The following KCTD17 variants were observed in gnomAD, a reference collection of about 807,000 sequenced individuals.
The protein encoded by KCTD17 is potassium channel tetramerization domain containing 17.
In KCTD17, 20 loss-of-function variants were observed where a neutral mutation model predicts 41.5. The observed-to-expected ratio is 0.48, with a 90% confidence interval of 0.34 to 0.70. The LOEUF (loss-of-function observed/expected upper bound fraction) is 0.70, where lower values mean the gene tolerates loss of function less well. Among genes scored for constraint, KCTD17 ranks in the 30% least tolerant of loss-of-function variants. The pLI is 0.01. For synonymous variants in KCTD17, 156 were observed against 173.8 expected, an observed-to-expected ratio of 0.90 and a Z score of 0.80; for missense variants, 317 against 427.2, an observed-to-expected ratio of 0.74 and a Z score of 2.27.
At chr22:37,060,737 C>G (rs1925677504) in intron 5 of KCTD17, 86 bp from the exon 6 acceptor site, 3 of 1,423,750 alleles carry the variant, frequency 2.1e-6, no homozygotes, top group East Asian at 2.6e-5. Context: ...TGCCTGAGAC[C>G]GGGTCTTTGG....
At chr22:37,052,347 T>G in intron 1 of KCTD17, 1 of 367,404 alleles carries the variant, frequency 2.7e-6, no homozygotes, top group Non-Finnish European at 5.4e-6. Context: ...TGCAGGGAGC[T>G]AGCTGGATGG....
At chr22:37,056,528 G>T in intron 3 of KCTD17, 117 bp downstream of exon 3, 1 of 827,904 alleles carries the variant, frequency 1.2e-6, no homozygotes, top group Non-Finnish European at 1.9e-6. Context: ...TTTGTCATGG[G>T]GAGGCCGAGC....
rs770258767 is a variant in KCTD17 at position 37,057,515 on chromosome 22, GC to G, written c.486+24del. The G allele has an allele frequency of 1.2e-5, 19 of 1,594,842 alleles. No individual in the cohort carries two copies. In the East Asian group the frequency reaches 2.7e-4, roughly 23 times the overall value. ...GCAGGTGCGCTGGGGACAGGGGCGT[GC>G]CACCAGGACAACCCTGGGACCTCCT... On this transcript the variant is annotated intron_variant, in intron 4 of 8. Coordinates refer to ENST00000403888, the MANE Select transcript of KCTD17 (RefSeq NM_001282684.2).
rs752263327 is a variant in KCTD17 at position 37,061,925 on chromosome 22, C to A, written c.875+296C>A. On this transcript the variant is annotated intron_variant, in intron 8 of 8. Coordinates refer to ENST00000403888, the MANE Select transcript of KCTD17 (RefSeq NM_001282684.2). This position sits in a 1 kb window ranked among gnomAD's most constrained non-coding sequence, Gnocchi z 6.6. ...TCCTGTGTCACTGCCTTGTGGCATC[C>A]CCTATTTCTGTGGGGATGGGGAGGA... 115 of 985,302 alleles carry A rather than the reference C, an allele frequency of 1.2e-4. No homozygotes were observed. Among genetic ancestry groups the A allele is most frequent in the Non-Finnish European group, 1.3e-4 (111 of 829,934 alleles). 61.0% of individuals were successfully genotyped at this position (985,302 alleles called of 1,614,324 possible).
At chr22:37,062,490 C>A (rs745853104) in intron 8 of KCTD17, 35 bp from the exon 9 acceptor site, 2 of 1,602,052 alleles carry the variant, frequency 1.2e-6, no homozygotes, top group South Asian at 2.2e-5. Context: ...CTCCGCCCCT[C>A]CCATCCTCCT....
chr22:37,062,405 TCTCTCC>T (rs1331757800), intron 8 of KCTD17, 114 bp from the exon 9 acceptor site: 4 of 1,350,604 alleles, frequency 3.0e-6, no homozygotes, highest in Non-Finnish European at 1.9e-6. Flanking sequence ...TGCCTCTCTC[TCTCTCC>T]CTCTCCCCCA....
intron 3 of KCTD17, 114 bp downstream of exon 3, chr22:37,056,525 T>C: frequency 2.4e-6 from 2 of 845,860 alleles, no homozygotes; most frequent in East Asian, 2.7e-5. Context: ...GTGTTTGTCA[T>C]GGGGAGGCCG....
At chr22:37,052,120 G>A in intron 1 of KCTD17, 171 bp downstream of exon 1, 1 of 871,414 alleles carries the variant, frequency 1.1e-6, no homozygotes, top group Non-Finnish European at 1.6e-6. Context: ...GGGTCTGGTA[G>A]TGAGGGATGT....
rs73884698 is a variant in KCTD17, at chr22:37,062,827, T to A, written c.*233T>A. 2.2e-6 allele frequency: 2 copies of A among 902,408 alleles called. No homozygotes were observed. The highest frequency in any genetic ancestry group is 3.2e-6 in the Non-Finnish European group (2 of 624,882). 55.9% of individuals were successfully genotyped at this position (902,408 alleles called of 1,614,324 possible). A position where few individuals can be genotyped will look rare whatever the true frequency, so the allele number is the denominator to read the frequency against. ...TGTCTGGCTGTGTCTCTCCGGCACC[T>A]GCGTCCCCTCTCCCGGGCTCCCCTG... On this transcript the variant is annotated 3_prime_UTR_variant, in exon 9 of 9. Coordinates refer to ENST00000403888, the MANE Select transcript of KCTD17 (RefSeq NM_001282684.2).
At chr22:37,056,440 A>AGGGCAGGGGCCAGTG in intron 3 of KCTD17, 29 bp downstream of exon 3, 2 of 1,575,912 alleles carry the variant, frequency 1.3e-6, no homozygotes, top group Non-Finnish European at 1.7e-6. Flanking sequence ...ACACACGGCC[A>AGGGCAGGGGCCAGTG]GGGCAGGGGC....
Position 37,063,033 on chromosome 22 carries a change from A to G in KCTD17, c.*439A>G, listed in dbSNP as rs1231202033. ...GCCGCCCACCTTCAGCTGCCCTGGG[A>G]TGGGAAGGACCCAGCCCGACCCCTG... On this transcript the variant is annotated 3_prime_UTR_variant, in exon 9 of 9. Transcript: ENST00000403888. This position sits in a 1 kb window ranked among gnomAD's most constrained non-coding sequence, Gnocchi z 4.6. 1.7e-5 allele frequency: 3 copies of G among 172,124 alleles called. No individual in the cohort carries two copies. The highest frequency in any genetic ancestry group is 1.2e-4 in the Admixed American group (2 of 16,684). 10.7% of individuals were successfully genotyped at this position (172,124 alleles called of 1,614,324 possible). A position where few individuals can be genotyped will look rare whatever the true frequency, so the allele number is the denominator to read the frequency against.
In KCTD17 at chr22:37,061,780, A is replaced by G. The variant is rs990063328; in HGVS notation, c.875+151A>G. On this transcript the variant is annotated intron_variant, in intron 8 of 8. Coordinates refer to ENST00000403888, the MANE Select transcript of KCTD17 (RefSeq NM_001282684.2). The surrounding 1 kb of genome is among the most constrained non-coding windows in gnomAD (Gnocchi z 6.6). ...GCCTTGGGGGTGAGGCTCTGAGAGG[A>G]GAAGAAAGTTAGGGAGTGGGAACTT... is the stretch of plus-strand genomic sequence containing the variant. 1 of 985,262 alleles carries G rather than the reference A, an allele frequency of 1.0e-6. No individual in the cohort carries two copies. Among genetic ancestry groups the G allele is most frequent in the African/African-American group, 1.7e-5 (1 of 57,214 alleles). The allele number at this position is 985,262 out of a possible 1,614,324, so 61.0% of individuals were successfully genotyped here. A position where few individuals can be genotyped will look rare whatever the true frequency, so the allele number is the denominator to read the frequency against.
In KCTD17 at chr22:37,061,068, C is replaced by A; in HGVS notation, c.713-36C>A. ...TCAGCCACTTGCCTGGCGCCTCACC[C>A]GCATAACCATCCCTTCTCTCACTTT... On this transcript the variant is annotated intron_variant, in intron 6 of 8. Coordinates refer to ENST00000403888, the MANE Select transcript of KCTD17 (RefSeq NM_001282684.2). This position sits in a 1 kb window ranked among gnomAD's most constrained non-coding sequence, Gnocchi z 6.6. 2 of 1,551,414 alleles carry A rather than the reference C, an allele frequency of 1.3e-6. No homozygotes were observed. Among genetic ancestry groups the A allele is most frequent in the Non-Finnish European group, 8.7e-7 (1 of 1,146,868 alleles).
chr22:37,061,552 C>G lies in KCTD17; in HGVS notation c.798C>G (p.His266Gln). 6.2e-7 allele frequency: 1 copy of G among 1,601,782 alleles called. No individual in the cohort carries two copies. The change falls in exon 8 of 9, where the codon CAC becomes CAG. Residue 266 changes from histidine (H) to glutamine (Q), a missense_variant. His to Gln is a conservative substitution (Grantham distance 24). Around this residue, in one of 4 missense-constraint regions of KCTD17, gnomAD observed 177 missense variants for 194.4 expected, o/e 0.91. Coordinates refer to ENST00000403888, the MANE Select transcript of KCTD17 (RefSeq NM_001282684.2). The surrounding 1 kb of genome is among the most constrained non-coding windows in gnomAD (Gnocchi z 6.6). Reference protein sequence around the residue: ...PPLPAGGSRPHPLRPEAELAV... With the variant: ...PPLPAGGSRPQPLRPEAELAV... ...TCCTCCTTGCAGGTTCCCGTCCGCA[C>G]CCTCTCAGACCTGAGGCTGAGCTTG...
At chr22:37,058,128 G>A (rs889694443) in intron 4 of KCTD17, among the ~76,000 whole-genome samples, 1 of 152,238 alleles carries the variant, frequency 6.6e-6, no homozygotes, top group African/African-American at 2.4e-5. Flanking sequence ...GAGGAGCAGA[G>A]CCAGAAAGTG....
chr22:37,059,639 G>C lies in KCTD17; in HGVS notation c.612+201G>C, dbSNP rs1000977070. On this transcript the variant is annotated intron_variant, in intron 5 of 8. Coordinates refer to ENST00000403888, the MANE Select transcript of KCTD17 (RefSeq NM_001282684.2). ...GCCCAGGCTGGGAGCAGTGAAATGA[G>C]AGCATCCCCAGGGTGCAGCCGGCGT... 9 of 656,998 alleles carry C rather than the reference G, an allele frequency of 1.4e-5. No individual in the cohort carries two copies. In the East Asian group the frequency reaches 2.2e-4, roughly 16 times the overall value. 40.7% of individuals were successfully genotyped at this position (656,998 alleles called of 1,614,324 possible). A position where few individuals can be genotyped will look rare whatever the true frequency, so the allele number is the denominator to read the frequency against.
intron 5 of KCTD17, among the ~76,000 whole-genome samples, chr22:37,060,283 C>G (rs994721243): frequency 7.2e-5 from 11 of 152,204 alleles, no homozygotes; most frequent in Non-Finnish European, 1.3e-4. Context: ...CCTGCTGTGA[C>G]GCACCCTGCC....
chr22:37,057,517 C>T, intron 4 of KCTD17, 24 bp downstream of exon 4: 1 of 1,589,388 alleles, frequency 6.3e-7, no homozygotes. Flanking sequence ...AGGGGCGTGC[C>T]ACCAGGACAA....
chr22:37,062,676 C>T lies in KCTD17; in HGVS notation c.*82C>T. The T allele has an allele frequency of 6.4e-7, 1 of 1,551,784 alleles. No homozygotes were observed. Among genetic ancestry groups the T allele is most frequent in the Admixed American group, 1.9e-5 (1 of 51,456 alleles). Reference sequence around the variant, plus strand: ...CTCTCCCCGGCCTCCTCTGTCTGCACCCGTGGGGCTGTGACTTACTCCTGC... The same window carrying T: ...CTCTCCCCGGCCTCCTCTGTCTGCATCCGTGGGGCTGTGACTTACTCCTGC... On this transcript the variant is annotated 3_prime_UTR_variant, in exon 9 of 9. Transcript: ENST00000403888.
Sources: gnomAD v4.1 joint callset for allele counts (sites outside exome capture counted in the v4.1 genomes callset) on GRCh38, gnomAD v4.1.1 for gene constraint, gnomAD v4.1.1 regional missense constraint, Gnocchi (gnomAD v3.1) non-coding constraint, MANE v1.5 for transcripts, NCBI Gene and HGNC (gene_info 2026-07-23, HGNC 2026-07-21) for gene names.